Variants in TGM2 observed in about 807,000 individuals in gnomAD.
The protein encoded by TGM2 is transglutaminase 2.
A neutral mutation model predicts 75.6 loss-of-function variants in TGM2; 53 were observed. The ratio of observed to expected loss-of-function variants is 0.70; its 90% CI spans 0.56 to 0.88. The LOEUF is 0.88. TGM2 is among the 40% of genes least tolerant of loss of function. TGM2 has a pLI of 0.00. For missense variants in TGM2, 842 were observed against 928.5 expected, an observed-to-expected ratio of 0.91 and a Z score of 1.21; for synonymous variants, 374 against 381.1, an observed-to-expected ratio of 0.98 and a Z score of 0.22.
chr20:38,158,425 G>A (rs1356295984), intron 2 of TGM2, among the ~76,000 whole-genome samples: 2 of 152,188 alleles, frequency 1.3e-5, no homozygotes, highest in Non-Finnish European at 2.9e-5. Context: ...ACCACAGGGA[G>A]CCTGGGGGTC....
rs149480979 is a variant in TGM2 at position 38,132,407 on chromosome 20, G to A, written c.1709C>T (p.Pro570Leu). 33 of 1,614,160 alleles carry A rather than the reference G, an allele frequency of 2.0e-5. 1 individual carries two copies. In the East Asian group the frequency reaches 2.2e-4, roughly 11 times the overall value. ...AGCCAGCAGGTAGCTGTTGATAACT[G>A]GCTCCACGAGGAGGGCCCGCACCTT... Reference protein sequence around the residue: ...LIKVRALLVEPVINSYLLAER... With the variant: ...LIKVRALLVELVINSYLLAER... Residue 570 changes from proline to leucine, a missense_variant, in exon 11 of 13, where the codon CCA becomes CTA. Transcript: ENST00000361475.
intron 2 of TGM2, among the ~76,000 whole-genome samples, chr20:38,158,306 G>A (rs913834959): frequency 2.2e-4 from 34 of 152,186 alleles, no homozygotes; most frequent in African/African-American, 7.2e-4. Flanking sequence ...CTGTCCCACG[G>A]TCCACCCGCT....
chr20:38,161,542 G>C lies in TGM2; in HGVS notation c.68C>G (p.Thr23Arg). The stretch of plus-strand genomic sequence containing the variant: ...CAGCTTCTCCCGGCACAGGTCGGCC[G>C]TGTGGTGGTCTCGGCCATTGGTCTC... Reference protein sequence around the residue: ...ELETNGRDHHTADLCREKLVV... With the variant: ...ELETNGRDHHRADLCREKLVV... Residue 23 changes from threonine to arginine, a missense_variant, in exon 2 of 13, where the codon ACG (threonine) becomes AGG (arginine). Coordinates refer to ENST00000361475, the MANE Select transcript of TGM2 (RefSeq NM_004613.4). 6.2e-7 allele frequency: 1 copy of C among 1,614,200 alleles called. No homozygotes were observed.
At position 38,160,245 on chromosome 20, in the gene TGM2, C is replaced by G. The variant is rs182944329; in HGVS notation, c.190+1175G>C. Among the ~76,000 whole-genome samples the G allele has an allele frequency of 8.4e-3, 1,277 of 152,356 alleles. 9 individuals are homozygous for G. The highest frequency in any genetic ancestry group is 0.013 in the Non-Finnish European group (918 of 68,030). ...GAGACTTCAGAAAGAGCTGGCCTTT[C>G]CCAACCCGAGTCCTAGCCAGGTGGC... is the stretch of plus-strand genomic sequence containing the variant. On this transcript the variant is annotated intron_variant, in intron 2 of 12. Coordinates refer to ENST00000361475, the MANE Select transcript of TGM2 (RefSeq NM_004613.4).
chr20:38,140,695 C>T (rs1441174249), intron 8 of TGM2, among the ~76,000 whole-genome samples: 1 of 152,150 alleles, frequency 6.6e-6, no homozygotes, highest in Non-Finnish European at 1.5e-5. Flanking sequence ...ACTGACTCTA[C>T]CGCTAGATCT....
chr20:38,145,610 C>T (rs1189142610), intron 6 of TGM2: 3 of 152,054 alleles, frequency 2.0e-5, no homozygotes, highest in African/African-American at 7.2e-5. Flanking sequence ...TCACAACCAT[C>T]CCAGTATAAA....
chr20:38,157,225 C>T, intron 2 of TGM2, among the ~76,000 whole-genome samples: 1 of 152,304 alleles, frequency 6.6e-6, no homozygotes, highest in African/African-American at 2.4e-5. Flanking sequence ...AGCCCCCAGC[C>T]CCCTCCTCCC....
At chr20:38,148,858 G>C (rs1437027101) in intron 4 of TGM2, among the ~76,000 whole-genome samples, 1 of 152,110 alleles carries the variant, frequency 6.6e-6, no homozygotes, top group Non-Finnish European at 1.5e-5. Flanking sequence ...ACCCCTTCTT[G>C]CCACCTTCCA....
At chr20:38,167,774 T>C (rs147294890), upstream of TGM2, among the ~76,000 whole-genome samples, 39 of 152,320 alleles carry the variant, frequency 2.6e-4, no homozygotes, top group Admixed American at 6.5e-4. Flanking sequence ...TGAACATTGT[T>C]ATTCCCTCTT....
intron 4 of TGM2, among the ~76,000 whole-genome samples, chr20:38,148,505 G>T (rs756409185): frequency 3.6e-4 from 54 of 152,096 alleles, no homozygotes; most frequent in Non-Finnish European, 4.1e-4. Context: ...GCTGATGTCA[G>T]CCCCCTCGTC....
At chr20:38,130,984 T>C (rs2074822064) in intron 12 of TGM2, 109 bp downstream of exon 12, 1 of 1,544,078 alleles carries the variant, frequency 6.5e-7, no homozygotes, top group Non-Finnish European at 8.8e-7. Flanking sequence ...GTGTGGGAGA[T>C]GAGAGGAGGG....
At chr20:38,160,419 C>T (rs1388819837) in intron 2 of TGM2, among the ~76,000 whole-genome samples, 1 of 152,220 alleles carries the variant, frequency 6.6e-6, no homozygotes, top group Non-Finnish European at 1.5e-5. Flanking sequence ...GTCCCTTTAC[C>T]TATCCCTGGG....
In TGM2 at chr20:38,139,419, G is replaced by T. The variant is rs1319430956; in HGVS notation, c.1335C>A (p.Tyr445Ter). Residue 445 changes from tyrosine (Y) to a stop codon, truncating the protein, a stop_gained, in exon 9 of 13, where the codon TAC (tyrosine) becomes TAA (stop). Transcript: ENST00000361475. LOFTEE classifies it high-confidence loss of function. ...EREDITHTYKYPEGSSEEREA... is the reference protein window; with the variant it reads ...EREDITHTYK ...GACTCTGAGGGCACATACCCTCTGGGTATTTGTAGGTGTGGGTGATATCCT... is the reference window on the plus strand; with the variant it reads ...GACTCTGAGGGCACATACCCTCTGGTTATTTGTAGGTGTGGGTGATATCCT... The T allele has an allele frequency of 1.2e-6, 2 of 1,614,166 alleles. No individual in the cohort carries two copies. The highest frequency in any genetic ancestry group is 1.1e-5 in the South Asian group (1 of 91,072).
At chr20:38,136,410 C>G (rs1452870354) in intron 10 of TGM2, among the ~76,000 whole-genome samples, 1 of 152,194 alleles carries the variant, frequency 6.6e-6, no homozygotes, top group Non-Finnish European at 1.5e-5. Context: ...TCTGTAAACA[C>G]AAACCATGCC....
At chr20:38,163,703 C>G (rs1038528925) in intron 1 of TGM2, among the ~76,000 whole-genome samples, 1 of 152,176 alleles carries the variant, frequency 6.6e-6, no homozygotes, top group South Asian at 2.1e-4. Flanking sequence ...TCAGGGATGT[C>G]GGTCCCCGTG....
intron 4 of TGM2, among the ~76,000 whole-genome samples, chr20:38,149,286 C>T (rs920723263): frequency 6.6e-6 from 1 of 152,172 alleles, no homozygotes; most frequent in African/African-American, 2.4e-5. Flanking sequence ...GGCTGTTATT[C>T]CTTCCTTCCT....
intron 4 of TGM2, among the ~76,000 whole-genome samples, chr20:38,149,692 A>AAAAAAAAAAAAC (rs1555809515): frequency 6.8e-5 from 10 of 147,210 alleles, no homozygotes; most frequent in South Asian, 2.2e-4. Flanking sequence ...AAAAAAAAAA[A>AAAAAAAAAAAAC]AAAAAAAAAC....
rs1033113179 is a variant in TGM2 at position 38,127,739 on chromosome 20, T to C, written c.*2480A>G. 3 of 152,222 alleles carry C rather than the reference T, an allele frequency of 2.0e-5. No individual in the cohort carries two copies. Among genetic ancestry groups the C allele is most frequent in the African/African-American group, 7.2e-5 (3 of 41,464 alleles). The allele number at this position is 152,222 out of a possible 1,614,324, so 9.4% of individuals were successfully genotyped here. ...TATTGATTACATGTTGAAATAATGT[T>C]TTGGATATATTGGATTAAATAAAAT... On this transcript the variant is annotated 3_prime_UTR_variant, in exon 13 of 13. Coordinates refer to ENST00000361475, the MANE Select transcript of TGM2 (RefSeq NM_004613.4).
rs2074845713 is a variant in TGM2, at chr20:38,132,425, C to T, written c.1691G>A (p.Arg564Gln). The T allele has an allele frequency of 3.1e-6, 5 of 1,614,142 alleles. No homozygotes were observed. The highest frequency in any genetic ancestry group is 2.2e-5 in the East Asian group (1 of 44,878). The change falls in exon 11 of 13, where the codon CGG becomes CAG. Residue 564 changes from arginine to glutamine, a missense_variant. Transcript: ENST00000361475. The stretch of plus-strand genomic sequence containing the variant: ...GATAACTGGCTCCACGAGGAGGGCC[C>T]GCACCTTGATGAGGTTGGACTCCGT... Reference protein sequence around the residue: ...CLTESNLIKVRALLVEPVINS... With the variant: ...CLTESNLIKVQALLVEPVINS...
Sources: gnomAD v4.1 joint callset for allele counts (sites outside exome capture counted in the v4.1 genomes callset) on GRCh38, gnomAD v4.1.1 for gene constraint, MANE v1.5 for transcripts, NCBI Gene and HGNC (gene_info 2026-07-23, HGNC 2026-07-21) for gene names.